Variants in SNTG1 observed in about 807,000 individuals in gnomAD.
SNTG1 encodes the protein gamma-1-syntrophin.
A neutral mutation model predicts 74.7 loss-of-function variants in SNTG1; 39 were observed. That is an observed-to-expected ratio of 0.52 (90% CI 0.40 to 0.68). SNTG1 has a LOEUF of 0.68. Ranked by LOEUF, SNTG1 falls within the 30% of genes least tolerant of loss-of-function variation. SNTG1 has a pLI of 0.00. For missense variants in SNTG1, 685 were observed against 609.5 expected, an observed-to-expected ratio of 1.12 and a Z score of -1.30; for synonymous variants, 254 against 217.1, an observed-to-expected ratio of 1.17 and a Z score of -1.49.
At chr8:50,399,995 A>G (rs1286841333) in intron 3 of SNTG1, among the ~76,000 whole-genome samples, 1 of 152,244 alleles carries the variant, frequency 6.6e-6, no homozygotes, top group Non-Finnish European at 1.5e-5. Context: ...TAATTCTAGA[A>G]TAATATAAGA....
chr8:50,484,420 G>A (rs971334138), intron 8 of SNTG1, among the ~76,000 whole-genome samples: 3 of 151,296 alleles, frequency 2.0e-5, no homozygotes, highest in Non-Finnish European at 4.4e-5. Context: ...TCACCATGTT[G>A]GTCAGGCTGG....
chr8:50,117,050 A>G (rs1216726720), intron 1 of SNTG1, among the ~76,000 whole-genome samples: 1 of 152,098 alleles, frequency 6.6e-6, no homozygotes, highest in East Asian at 1.9e-4. Flanking sequence ...GACGAAGATT[A>G]TATTTGATAA....
At chr8:50,316,262 GA>G (rs572779763) in intron 2 of SNTG1, among the ~76,000 whole-genome samples, 28 of 152,010 alleles carry the variant, frequency 1.8e-4, no homozygotes, top group African/African-American at 5.8e-4. Context: ...ACATTTGTTA[GA>G]AAAAAAAGTT....
At chr8:50,343,097 G>A (rs2091366370) in intron 2 of SNTG1, among the ~76,000 whole-genome samples, 1 of 152,140 alleles carries the variant, frequency 6.6e-6, no homozygotes, top group Non-Finnish European at 1.5e-5. Flanking sequence ...AATTTTTCCT[G>A]CTTCACTGTT....
chr8:50,193,990 T>G (rs1239377360), intron 2 of SNTG1, among the ~76,000 whole-genome samples: 1 of 152,198 alleles, frequency 6.6e-6, no homozygotes, highest in East Asian at 1.9e-4. Flanking sequence ...CTTGTGTATA[T>G]TAAACCATCC....
intron 1 of SNTG1, among the ~76,000 whole-genome samples, chr8:49,913,124 T>C (rs1331240060): frequency 6.6e-6 from 1 of 152,216 alleles, no homozygotes; most frequent in Non-Finnish European, 1.5e-5. Context: ...GCAAAAGCAG[T>C]TACACAAATT....
At chr8:50,127,978 C>T (rs1467715977) in intron 1 of SNTG1, among the ~76,000 whole-genome samples, 1 of 152,024 alleles carries the variant, frequency 6.6e-6, no homozygotes, top group African/African-American at 2.4e-5. Context: ...CGTTATCATG[C>T]AAAACTGGTT....
intron 9 of SNTG1, among the ~76,000 whole-genome samples, chr8:50,512,057 T>C (rs1585524064): frequency 6.6e-6 from 1 of 152,098 alleles, no homozygotes; most frequent in African/African-American, 2.4e-5. Context: ...CTGGTACTGG[T>C]TTTTCCTTTC....
chr8:50,562,133 TA>T (rs2094492189), intron 12 of SNTG1, among the ~76,000 whole-genome samples: 1 of 152,252 alleles, frequency 6.6e-6, no homozygotes, highest in African/African-American at 2.4e-5. Context: ...ACTGACATTT[TA>T]TCTTGGTTTC....
chr8:50,183,848 CTTT>C (rs2083292002), intron 2 of SNTG1, among the ~76,000 whole-genome samples: 1 of 152,100 alleles, frequency 6.6e-6, no homozygotes, highest in Admixed American at 6.6e-5. Flanking sequence ...CAGCAAATGT[CTTT>C]TATCGCTGTA....
At chr8:50,516,439 A>G (rs191750847) in intron 9 of SNTG1, among the ~76,000 whole-genome samples, 7 of 152,276 alleles carry the variant, frequency 4.6e-5, no homozygotes, top group Non-Finnish European at 7.4e-5. Flanking sequence ...CTGGATGGAG[A>G]ATGAGTTTGA....
chr8:50,075,878 G>A (rs562125606), intron 1 of SNTG1, among the ~76,000 whole-genome samples: 2 of 152,186 alleles, frequency 1.3e-5, no homozygotes, highest in Non-Finnish European at 2.9e-5. Flanking sequence ...CCAGAAGGAA[G>A]AAACTCCGAA....
chr8:49,913,739 A>T (rs1452079544), intron 1 of SNTG1, among the ~76,000 whole-genome samples: 8 of 152,232 alleles, frequency 5.3e-5, no homozygotes, highest in Admixed American at 5.2e-4. Context: ...AAATTATCAC[A>T]TGGAAGACTT....
At chr8:50,774,999 AG>A (rs2095636623) in intron 18 of SNTG1, among the ~76,000 whole-genome samples, 1 of 150,790 alleles carries the variant, frequency 6.6e-6, no homozygotes, top group Non-Finnish European at 1.5e-5. Flanking sequence ...TTTATATAAA[AG>A]TGTATACATA....
intron 2 of SNTG1, among the ~76,000 whole-genome samples, chr8:50,317,213 C>T (rs546139770): frequency 1.4e-4 from 22 of 152,232 alleles, no homozygotes; most frequent in African/African-American, 5.1e-4. Flanking sequence ...GAGGTCTCTA[C>T]TAGTATTAGC....
chr8:50,245,480 C>T (rs1352166622), intron 2 of SNTG1, among the ~76,000 whole-genome samples: 1 of 151,922 alleles, frequency 6.6e-6, no homozygotes, highest in Non-Finnish European at 1.5e-5. Flanking sequence ...ATCAAAAGAT[C>T]GAGACCATCC....
intron 9 of SNTG1, among the ~76,000 whole-genome samples, chr8:50,521,242 G>A (rs2094176986): frequency 6.6e-6 from 1 of 152,028 alleles, no homozygotes; most frequent in African/African-American, 2.4e-5. Flanking sequence ...CATAGGGAGG[G>A]GAACATCACA....
At chr8:50,303,935 C>T (rs2089765460) in intron 2 of SNTG1, among the ~76,000 whole-genome samples, 1 of 103,344 alleles carries the variant, frequency 9.7e-6, no homozygotes, top group South Asian at 3.0e-4. Context: ...CTGCTACGTA[C>T]AGTAGAATGC....
At chr8:50,610,744 G>A (rs1425531491) in intron 13 of SNTG1, among the ~76,000 whole-genome samples, 3 of 152,120 alleles carry the variant, frequency 2.0e-5, no homozygotes, top group Non-Finnish European at 2.9e-5. Context: ...AGTAGGGGTG[G>A]AAAATGGGAA....
Sources: allele counts gnomAD v4.1 joint callset (sites outside exome capture counted in the v4.1 genomes callset), GRCh38; gene constraint gnomAD v4.1.1; transcripts MANE v1.5; gene names NCBI Gene and HGNC (gene_info 2026-07-23, HGNC 2026-07-21).